VTI1A: variants seen among roughly 807,000 people sequenced by gnomAD.
VTI1A encodes the protein vesicle transport through interaction with t-SNAREs 1A.
A neutral mutation model predicts 34.9 loss-of-function variants in VTI1A; 22 were observed. That is an observed-to-expected ratio of 0.63 (90% confidence interval 0.45 to 0.90). The LOEUF (loss-of-function observed/expected upper bound fraction) is 0.90. Among genes scored for constraint, VTI1A ranks in the 40% least tolerant of loss-of-function variants. The pLI is 0.00. For missense variants in VTI1A, 268 were observed against 275.6 expected, an observed-to-expected ratio of 0.97 and a Z score of 0.20; for synonymous variants, 87 against 97.3, an observed-to-expected ratio of 0.89 and a Z score of 0.62.
At chr10:112,730,565 C>G (rs541250682) in intron 7 of VTI1A, among the ~76,000 whole-genome samples, 1 of 146,524 alleles carries the variant, frequency 6.8e-6, no homozygotes, top group South Asian at 2.1e-4. Context: ...ACAACATCTA[C>G]TTTTAGGATT....
chr10:112,531,099 ACACACGTGCG>A (rs1202569184), intron 4 of VTI1A, among the ~76,000 whole-genome samples: 1 of 145,156 alleles, frequency 6.9e-6, no homozygotes, highest in African/African-American at 2.7e-5. Flanking sequence ...ACACACACAC[ACACACGTGCG>A]CACGTGCGCG....
At chr10:112,605,558 C>T (rs753113110) in intron 5 of VTI1A, among the ~76,000 whole-genome samples, 2 of 152,092 alleles carry the variant, frequency 1.3e-5, no homozygotes, top group Non-Finnish European at 2.9e-5. Flanking sequence ...ACCGCTCCCT[C>T]TCTCCACACC....
intron 3 of VTI1A, among the ~76,000 whole-genome samples, chr10:112,484,209 AT>A (rs1256468451): frequency 1.3e-5 from 2 of 152,246 alleles, no homozygotes; most frequent in African/African-American, 2.4e-5. Context: ...TGGGCAAGTC[AT>A]TGTGTCTCAG....
At chr10:112,727,520 C>T (rs542885886) in intron 7 of VTI1A, among the ~76,000 whole-genome samples, 3 of 152,122 alleles carry the variant, frequency 2.0e-5, no homozygotes, top group Non-Finnish European at 2.9e-5. Context: ...TCATTAACTT[C>T]ACTGAATATT....
Position 112,787,306 on chromosome 10 carries a change from G to A in VTI1A, c.561-27984G>A, listed in dbSNP as rs1852316996. 2.0e-5 allele frequency among the ~76,000 whole-genome samples: 3 copies of A among 152,046 alleles called. No homozygotes were observed. In the South Asian group the frequency reaches 6.2e-4, roughly 32 times the overall value. ...CTTCCCTTTTTTCTTGGTCATTCTA[G>A]CTAAAAGTTTATCAGTTTTGTTGAT... On this transcript the variant is annotated intron_variant, in intron 7 of 7. Coordinates refer to ENST00000393077, the MANE Select transcript of VTI1A (RefSeq NM_145206.4).
intron 3 of VTI1A, among the ~76,000 whole-genome samples, chr10:112,466,983 G>A (rs552578184): frequency 3.3e-5 from 5 of 152,094 alleles, no homozygotes; most frequent in South Asian, 2.1e-4. Context: ...CAGTCGTATT[G>A]AATTAAGGCC....
intron 2 of VTI1A, among the ~76,000 whole-genome samples, chr10:112,462,794 G>A (rs899845245): frequency 1.3e-5 from 2 of 152,206 alleles, no homozygotes; most frequent in African/African-American, 2.4e-5. Context: ...TAGGGTTCCG[G>A]AAGGAACTTA....
At chr10:112,737,742 G>A (rs992081128) in intron 7 of VTI1A, 68 of 1,059,062 alleles carry the variant, frequency 6.4e-5, no homozygotes, top group Non-Finnish European at 7.0e-5. Context: ...CTCTCTGGCC[G>A]CCTTTCCTCT....
At position 112,616,230 on chromosome 10, in the gene VTI1A, T is replaced by G. The variant is rs553743493; in HGVS notation, c.428-51988T>G. ...AAGCCCAAGATGTTCAGGGACCAAA[T>G]TTAACCACCAGCACTGCAATCAGGA... On this transcript the variant is annotated intron_variant, in intron 5 of 7. Transcript: ENST00000393077. 5.3e-4 allele frequency among the ~76,000 whole-genome samples: 80 copies of G among 152,334 alleles called. 1 individual carries two copies. Among genetic ancestry groups the G allele is most frequent in the Non-Finnish European group, 1.0e-3 (71 of 68,032 alleles).
chr10:112,817,183 C>T lies in VTI1A; in HGVS notation c.*1800C>T, dbSNP rs768892715. The T allele has an allele frequency of 9.5e-5, 22 of 232,462 alleles. No homozygotes were observed. The highest frequency in any genetic ancestry group is 2.3e-4 in the Admixed American group (4 of 17,754). The allele number at this position is 232,462 out of a possible 1,614,324, so 14.4% of individuals were successfully genotyped here. On this transcript the variant is annotated 3_prime_UTR_variant, in exon 8 of 8. Coordinates refer to ENST00000393077, the MANE Select transcript of VTI1A (RefSeq NM_145206.4). ...CTCATTCCGACACACGAATAGTCAT[C>T]GAGTATTACACCAGCCCCTCTGGTG...
At chr10:112,779,115 A>G (rs1454198300) in intron 7 of VTI1A, among the ~76,000 whole-genome samples, 1 of 152,366 alleles carries the variant, frequency 6.6e-6, no homozygotes, top group Non-Finnish European at 1.5e-5. Context: ...ACCAAAGGGT[A>G]CACATACTTC....
chr10:112,673,338 G>C (rs972396762), intron 7 of VTI1A, among the ~76,000 whole-genome samples: 1 of 150,280 alleles, frequency 6.7e-6, no homozygotes, highest in Non-Finnish European at 1.5e-5. Flanking sequence ...AAAAGAAAAA[G>C]GAAAAGAAAA....
chr10:112,502,868 T>G (rs1188762863), intron 3 of VTI1A, among the ~76,000 whole-genome samples: 1 of 152,222 alleles, frequency 6.6e-6, no homozygotes, highest in African/African-American at 2.4e-5. Flanking sequence ...AACTTTGACT[T>G]CTTTTTCATT....
chr10:112,617,937 C>T (rs556327774), intron 5 of VTI1A, among the ~76,000 whole-genome samples: 21 of 152,134 alleles, frequency 1.4e-4, no homozygotes, highest in African/African-American at 3.6e-4. Flanking sequence ...GCTGGATTAC[C>T]GAGGTCAGCG....
chr10:112,464,489 T>C (rs1847832702), intron 2 of VTI1A, 58 bp from the exon 3 acceptor site: 5 of 1,464,362 alleles, frequency 3.4e-6, no homozygotes, highest in Non-Finnish European at 3.8e-6. Flanking sequence ...GCCGTAAACA[T>C]TTGTTCAAAT....
chr10:112,790,462 G>A lies in VTI1A; in HGVS notation c.561-24828G>A, dbSNP rs1199124406. Reference sequence around the variant, plus strand: ...GATCTCCCCATCACATTTTTGGTTGGCCTGTTACCCGCCCCAACTAGGACT... The same window carrying A: ...GATCTCCCCATCACATTTTTGGTTGACCTGTTACCCGCCCCAACTAGGACT... On this transcript the variant is annotated intron_variant, in intron 7 of 7. Coordinates refer to ENST00000393077, the MANE Select transcript of VTI1A (RefSeq NM_145206.4). 2.0e-5 allele frequency among the ~76,000 whole-genome samples: 3 copies of A among 152,200 alleles called. No homozygotes were observed. The East Asian group carries it at 5.8e-4, about 29-fold the overall frequency.
intron 5 of VTI1A, among the ~76,000 whole-genome samples, chr10:112,619,271 TG>T (rs1845639833): frequency 6.6e-6 from 1 of 152,064 alleles, no homozygotes; most frequent in Non-Finnish European, 1.5e-5. Context: ...GGGGGCTTAA[TG>T]GGAATAAAAA....
At chr10:112,617,632 G>C (rs1845554732) in intron 5 of VTI1A, among the ~76,000 whole-genome samples, 2 of 151,942 alleles carry the variant, frequency 1.3e-5, no homozygotes, top group Admixed American at 1.3e-4. Flanking sequence ...TATTCTAAGG[G>C]CCTTGTATTT....
Position 112,628,706 on chromosome 10 carries a change from C to T in VTI1A, c.428-39512C>T, listed in dbSNP as rs181438106. Among the ~76,000 whole-genome samples, 527 of 152,142 alleles carry T rather than the reference C, an allele frequency of 3.5e-3. 5 individuals carry two copies. Among genetic ancestry groups the T allele is most frequent in the African/African-American group, 0.012 (482 of 41,502 alleles). ...TTTAATCTTCAGTGTTGCTGCTTTA[C>T]GGTTTTCTTTATCCAAAAGTATTTG... On this transcript the variant is annotated intron_variant, in intron 5 of 7. Coordinates refer to ENST00000393077, the MANE Select transcript of VTI1A (RefSeq NM_145206.4).
Sources: gnomAD v4.1 joint callset for allele counts (sites outside exome capture counted in the v4.1 genomes callset) on GRCh38, gnomAD v4.1.1 for gene constraint, MANE v1.5 for transcripts, NCBI Gene and HGNC (gene_info 2026-07-23, HGNC 2026-07-21) for gene names.